NRF1: variants seen among roughly 807,000 people sequenced by gnomAD.
The protein encoded by NRF1 is nuclear respiratory factor 1.
A neutral mutation model predicts 58.5 loss-of-function variants in NRF1; 5 were observed. That is an observed-to-expected ratio of 0.09 (90% CI 0.04 to 0.18). The LOEUF is 0.18. Among genes scored for constraint, NRF1 ranks in the 10% least tolerant of loss-of-function variants. The pLI is 1.00. For synonymous variants in NRF1, 224 were observed against 246.7 expected, an observed-to-expected ratio of 0.91 and a Z score of 0.86; for missense variants, 288 against 657.7, an observed-to-expected ratio of 0.44 and a Z score of 6.15.
At chr7:129,695,350 G>T (rs867633658) in intron 5 of NRF1, among the ~76,000 whole-genome samples, 2 of 152,140 alleles carry the variant, frequency 1.3e-5, no homozygotes, top group Middle Eastern at 3.4e-3. Flanking sequence ...GCTGAGGTGG[G>T]TGGATCACCT....
At chr7:129,700,369 G>A (rs558727542) in intron 5 of NRF1, among the ~76,000 whole-genome samples, 3 of 152,166 alleles carry the variant, frequency 2.0e-5, no homozygotes, top group East Asian at 1.9e-4. Context: ...CTAGTGCCCC[G>A]GCCACACTCC....
At chr7:129,723,973 A>C (rs1260838297) in intron 9 of NRF1, among the ~76,000 whole-genome samples, 1 of 152,240 alleles carries the variant, frequency 6.6e-6, no homozygotes, top group Non-Finnish European at 1.5e-5. Context: ...CTTTGAAGAA[A>C]ACATGGGGCA....
At chr7:129,661,807 A>G (rs1801786014) in intron 2 of NRF1, among the ~76,000 whole-genome samples, 1 of 150,712 alleles carries the variant, frequency 6.6e-6, no homozygotes, top group Non-Finnish European at 1.5e-5. Context: ...TCACTTCCAC[A>G]TTTTTAGGTA....
intron 1 of NRF1, among the ~76,000 whole-genome samples, chr7:129,644,039 T>A (rs939544665): frequency 2.0e-5 from 3 of 152,226 alleles, no homozygotes; most frequent in African/African-American, 7.2e-5. Context: ...CTTCTGACTG[T>A]AGACTCTGTC....
intron 2 of NRF1, among the ~76,000 whole-genome samples, chr7:129,657,863 G>A (rs992793483): frequency 3.3e-5 from 5 of 152,110 alleles, no homozygotes; most frequent in South Asian, 2.1e-4. Context: ...CTTCTGCCTC[G>A]GCCTCCTAAA....
At chr7:129,634,041 A>AATATAT (rs1163693215) in intron 1 of NRF1, among the ~76,000 whole-genome samples, 1 of 113,810 alleles carries the variant, frequency 8.8e-6, no homozygotes, top group African/African-American at 3.8e-5. Context: ...AAAAAAAAAA[A>AATATAT]AGATATATAT....
intron 3 of NRF1, among the ~76,000 whole-genome samples, chr7:129,673,459 G>C (rs1026727520): frequency 6.6e-6 from 1 of 152,290 alleles, no homozygotes; most frequent in African/African-American, 2.4e-5. Context: ...GTCGGGCGCG[G>C]TGGCTCACGC....
At chr7:129,663,383 C>T (rs1416564328) in intron 2 of NRF1, among the ~76,000 whole-genome samples, 4 of 146,420 alleles carry the variant, frequency 2.7e-5, no homozygotes. Context: ...GGGGTGGTGG[C>T]CGGACAGAGG....
rs185246332 is a variant in NRF1, at chr7:129,723,172, G to A, written c.1224-4069G>A. On this transcript the variant is annotated intron_variant, in intron 9 of 10. Coordinates refer to ENST00000393232, the MANE Select transcript of NRF1 (RefSeq NM_005011.5). Reference sequence around the variant, plus strand: ...TTAATAAAATTTCCAGGCCGGGTGCGGTGGCTCATGCCTGTAATCCCAGCA... The same window carrying A: ...TTAATAAAATTTCCAGGCCGGGTGCAGTGGCTCATGCCTGTAATCCCAGCA... Among the ~76,000 whole-genome samples, 129 of 151,986 alleles carry A rather than the reference G, an allele frequency of 8.5e-4. 1 individual carries two copies. Among genetic ancestry groups the A allele is most frequent in the African/African-American group, 2.7e-3 (112 of 41,448 alleles).
At chr7:129,661,655 C>T (rs1001062543) in intron 2 of NRF1, among the ~76,000 whole-genome samples, 5 of 150,926 alleles carry the variant, frequency 3.3e-5, no homozygotes, top group Admixed American at 3.3e-4. Context: ...TCAACCTGGA[C>T]TTTATTGTCC....
chr7:129,633,849 A>G (rs2151063347), intron 1 of NRF1: 1 of 151,674 alleles, frequency 6.6e-6, no homozygotes, highest in African/African-American at 2.4e-5. Flanking sequence ...AAATATATAT[A>G]AACTATATGT....
Position 129,755,286 on chromosome 7 carries a change from AGTTTT to A in NRF1, c.*109_*113del. 9.4e-7 allele frequency: 1 copy of A among 1,058,928 alleles called. No homozygotes were observed. The highest frequency in any genetic ancestry group is 1.3e-6 in the Non-Finnish European group (1 of 799,616). The allele number at this position is 1,058,928 out of a possible 1,614,324, so 65.6% of individuals were successfully genotyped here. On this transcript the variant is annotated 3_prime_UTR_variant, in exon 11 of 11. Transcript: ENST00000393232. This position sits in a 1 kb window ranked among gnomAD's most constrained non-coding sequence, Gnocchi z 5.8. Reference sequence around the variant, plus strand: ...TTAAGTCTCTCGACTTTGGAAGGAAAGTTTTGTTAACCTTTTTTTTTTTAAAAGGA... The same window carrying A: ...TTAAGTCTCTCGACTTTGGAAGGAAAGTTAACCTTTTTTTTTTTAAAAGGA...
At chr7:129,727,901 A>G (rs1803486645) in intron 10 of NRF1, among the ~76,000 whole-genome samples, 1 of 152,158 alleles carries the variant, frequency 6.6e-6, no homozygotes, top group Non-Finnish European at 1.5e-5. Flanking sequence ...GATTTAGCCA[A>G]TTACATGCCC....
intron 2 of NRF1, among the ~76,000 whole-genome samples, chr7:129,669,279 A>T (rs1482691964): frequency 6.6e-6 from 1 of 152,282 alleles, no homozygotes; most frequent in South Asian, 2.1e-4. Context: ...ATACATTTTT[A>T]AAATGTATTG....
chr7:129,680,769 T>C (rs1802290432), intron 4 of NRF1, among the ~76,000 whole-genome samples: 1 of 151,910 alleles, frequency 6.6e-6, no homozygotes, highest in Non-Finnish European at 1.5e-5. Context: ...AGAGAGAGAG[T>C]GGATTAGTGG....
At chr7:129,681,748 AGTACATATTTATCATG>A (rs1226164548) in intron 4 of NRF1, among the ~76,000 whole-genome samples, 6 of 152,020 alleles carry the variant, frequency 3.9e-5, no homozygotes, top group African/African-American at 1.5e-4. Context: ...TAAGATAAGA[AGTACATATTTATCATG>A]AACCTTTATA....
At chr7:129,682,910 A>G (rs528362572) in intron 4 of NRF1, among the ~76,000 whole-genome samples, 9 of 152,238 alleles carry the variant, frequency 5.9e-5, no homozygotes, top group African/African-American at 2.2e-4. Flanking sequence ...ATAAGAATTG[A>G]CCATTTATTA....
In NRF1 at chr7:129,690,506, C is replaced by G; in HGVS notation, c.566C>G (p.Thr189Ser). 1 of 1,614,188 alleles carries G rather than the reference C, an allele frequency of 6.2e-7. No homozygotes were observed. Residue 189 changes from threonine to serine, a missense_variant, in exon 5 of 11, where the codon ACC (threonine) becomes AGC (serine). Thr to Ser is a moderately conservative substitution (Grantham distance 58). Around this residue, in one of 3 missense-constraint regions of NRF1, gnomAD observed 212 missense variants for 559.7 expected, o/e 0.38. Transcript: ENST00000393232. ...QEVNSELPPL[T>S]IDGIPVSVDK... ...GTTAACTCAGAACTGCCGCCTCTCA[C>G]CATCGACGGAATTCCAGTCTCTGTG...
chr7:129,747,016 G>C (rs1451535557), intron 10 of NRF1, among the ~76,000 whole-genome samples: 3 of 152,144 alleles, frequency 2.0e-5, no homozygotes, highest in Admixed American at 2.0e-4. Flanking sequence ...CAGGTTGTCT[G>C]TCCTGCTCTA....
Sources: gnomAD v4.1 joint callset for allele counts (sites outside exome capture counted in the v4.1 genomes callset) on GRCh38, gnomAD v4.1.1 for gene constraint, gnomAD v4.1.1 regional missense constraint, Gnocchi (gnomAD v3.1) non-coding constraint, MANE v1.5 for transcripts, NCBI Gene and HGNC (gene_info 2026-07-23, HGNC 2026-07-21) for gene names.